Variants in UACA observed in about 807,000 individuals in gnomAD.
UACA encodes nuclear membrane binding protein.
UACA carries 112 observed loss-of-function variants against 160.5 expected under a neutral mutation model. The ratio of observed to expected loss-of-function variants is 0.70; its 90% CI spans 0.60 to 0.82. The LOEUF (loss-of-function observed/expected upper bound fraction) is 0.82. UACA is among the 40% of genes least tolerant of loss of function. The probability of loss-of-function intolerance (pLI) is 0.00; values close to 1 mark genes in which losing one functional copy is unlikely to be tolerated. For synonymous variants in UACA, 557 were observed against 568.4 expected (o/e 0.98, Z 0.29); for missense variants, 1,574 against 1,614.6 (o/e 0.97, Z 0.43).
At chr15:70,705,491 G>A (rs1322750210) in intron 1 of UACA, among the ~76,000 whole-genome samples, 3 of 151,918 alleles carry the variant, frequency 2.0e-5, no homozygotes, top group East Asian at 1.9e-4. Flanking sequence ...AGCCAAGATC[G>A]CAGCATTGCA....
intron 1 of UACA, among the ~76,000 whole-genome samples, chr15:70,700,496 T>C (rs75423701): frequency 0.011 from 1,597 of 152,026 alleles, 25 homozygotes; most frequent in African/African-American, 0.037. Flanking sequence ...CCTTTTTACA[T>C]TCCACATGTA....
chr15:70,772,776 G>A, the UACA span, among the ~76,000 whole-genome samples: 1 of 152,102 alleles, frequency 6.6e-6, no homozygotes, highest in Non-Finnish European at 1.5e-5. Flanking sequence ...GCCTAGATGT[G>A]GGTACTGCAA....
upstream of UACA, among the ~76,000 whole-genome samples, chr15:70,766,022 CAAAGG>C (rs2031001808): frequency 6.6e-6 from 1 of 152,184 alleles, no homozygotes; most frequent in South Asian, 2.1e-4. Context: ...CTGGATAAAG[CAAAGG>C]AAACAGACAG....
intron 1 of UACA, among the ~76,000 whole-genome samples, chr15:70,727,399 AATAG>A (rs1322000617): frequency 3.9e-5 from 6 of 152,334 alleles, no homozygotes; most frequent in African/African-American, 7.2e-5. Flanking sequence ...ATAACCAGAA[AATAG>A]ATAATCAAAA....
chr15:70,663,657 G>C (rs1566960699), intron 17 of UACA, among the ~76,000 whole-genome samples: 1 of 151,874 alleles, frequency 6.6e-6, no homozygotes, highest in Non-Finnish European at 1.5e-5. Flanking sequence ...AAGAAAATGT[G>C]GCACATATAC....
upstream of UACA, among the ~76,000 whole-genome samples, chr15:70,766,243 T>C: frequency 6.6e-6 from 1 of 152,212 alleles, no homozygotes; most frequent in East Asian, 1.9e-4. Flanking sequence ...AAAGCTTTTT[T>C]ACATTGATCT....
intron 1 of UACA, among the ~76,000 whole-genome samples, chr15:70,729,185 G>T (rs1899239017): frequency 6.6e-6 from 1 of 152,002 alleles, no homozygotes; most frequent in South Asian, 2.1e-4. Flanking sequence ...CCCATTACTG[G>T]GTATATACTC....
Position 70,763,475 on chromosome 15 carries a change from C to T in UACA, c.-68G>A, listed in dbSNP as rs944461690. 2 of 1,263,992 alleles carry T rather than the reference C, an allele frequency of 1.6e-6. No individual in the cohort carries two copies. Among genetic ancestry groups the T allele is most frequent in the African/African-American group, 3.1e-5 (2 of 64,434 alleles). The allele number at this position is 1,263,992 out of a possible 1,614,324, so 78.3% of individuals were successfully genotyped here. On this transcript the variant is annotated 5_prime_UTR_variant, in exon 1 of 19. Coordinates refer to ENST00000322954, the MANE Select transcript of UACA (RefSeq NM_018003.4). Reference sequence around the variant, plus strand: ...GGAGTGCCAGCGCGCAAGGAGTAGACGGCAGCGGCTGCAGCAGAGGCGGCG... The same window carrying T: ...GGAGTGCCAGCGCGCAAGGAGTAGATGGCAGCGGCTGCAGCAGAGGCGGCG...
At chr15:70,755,682 A>AAAT (rs890127678) in intron 1 of UACA, among the ~76,000 whole-genome samples, 2 of 152,060 alleles carry the variant, frequency 1.3e-5, no homozygotes, top group African/African-American at 4.8e-5. Context: ...AAAATAAAAA[A>AAAT]AAAAAAGAAT....
At chr15:70,712,064 A>ATATATC (rs909386790) in intron 1 of UACA, among the ~76,000 whole-genome samples, 4 of 145,464 alleles carry the variant, frequency 2.7e-5, no homozygotes, top group African/African-American at 1.1e-4. Flanking sequence ...ATATATATAT[A>ATATATC]TATCTCCATA....
At chr15:70,737,395 G>A (rs907320767) in intron 1 of UACA, among the ~76,000 whole-genome samples, 12 of 152,094 alleles carry the variant, frequency 7.9e-5, no homozygotes, top group African/African-American at 2.7e-4. Context: ...TTCTAAATTT[G>A]CACAGTATTT....
chr15:70,661,832 A>G (rs1035363168), intron 17 of UACA: 4 of 152,196 alleles, frequency 2.6e-5, no homozygotes, highest in Non-Finnish European at 4.4e-5. Context: ...AAAAACTCTC[A>G]ATAAATTAGG....
At chr15:70,771,366 G>C in the UACA span, among the ~76,000 whole-genome samples, 1 of 152,226 alleles carries the variant, frequency 6.6e-6, no homozygotes, top group African/African-American at 2.4e-5. Flanking sequence ...AAAAGGCACT[G>C]AATATTCTCA....
Position 70,750,663 on chromosome 15 carries a change from G to A in UACA, c.78+12667C>T, listed in dbSNP as rs555830266. Among the ~76,000 whole-genome samples the A allele has an allele frequency of 3.9e-5, 6 of 152,242 alleles. No individual in the cohort carries two copies. The South Asian group carries it at 6.2e-4, about 16-fold the overall frequency. ...GGGAGGATCGCTTGAGCCCTCAGGC[G>A]TTCGAGACCAGCCTGGGCAACACAG... is the stretch of plus-strand genomic sequence containing the variant. On this transcript the variant is annotated intron_variant, in intron 1 of 18. Coordinates refer to ENST00000322954, the MANE Select transcript of UACA (RefSeq NM_018003.4).
chr15:70,693,990 G>GA (rs1331895084), intron 3 of UACA, among the ~76,000 whole-genome samples: 5 of 152,100 alleles, frequency 3.3e-5, no homozygotes, highest in Non-Finnish European at 5.9e-5. Context: ...ATTCAATTGT[G>GA]ATCTGTCTCC....
intron 16 of UACA, among the ~76,000 whole-genome samples, chr15:70,666,322 T>A (rs1287405788): frequency 1.3e-5 from 2 of 152,080 alleles, no homozygotes; most frequent in South Asian, 4.1e-4. Context: ...GAGGGCTCAG[T>A]TTACTACTAT....
At chr15:70,660,303 C>A in intron 17 of UACA, 87 bp from the exon 18 acceptor site, 1 of 1,112,686 alleles carries the variant, frequency 9.0e-7, no homozygotes, top group Non-Finnish European at 1.3e-6. Context: ...TGCTACAAAA[C>A]TATTATTATT....
intron 17 of UACA, among the ~76,000 whole-genome samples, chr15:70,662,481 T>C (rs1269885508): frequency 6.6e-6 from 1 of 152,264 alleles, no homozygotes; most frequent in Admixed American, 6.5e-5. Context: ...AAGCTACCAA[T>C]GACTTTCTTC....
chr15:70,708,508 T>G (rs946891415), intron 1 of UACA, among the ~76,000 whole-genome samples: 3 of 151,812 alleles, frequency 2.0e-5, no homozygotes, highest in Non-Finnish European at 2.9e-5. Context: ...TCACCCAGGC[T>G]GGACTGCAAT....
Sources: allele counts gnomAD v4.1 joint callset (sites outside exome capture counted in the v4.1 genomes callset), GRCh38; gene constraint gnomAD v4.1.1; transcripts MANE v1.5; gene names NCBI Gene and HGNC (gene_info 2026-07-23, HGNC 2026-07-21).